The following KIF4A variants were observed in gnomAD, a reference collection of about 807,000 sequenced individuals.
KIF4A encodes the protein chromosome-associated kinesin KIF4A.
A neutral mutation model predicts 105.9 loss-of-function variants in KIF4A; 7 were observed. That is an observed-to-expected ratio of 0.07 (90% CI 0.04 to 0.12). The LOEUF is 0.12. KIF4A is among the 10% of genes least tolerant of loss of function. The pLI is 1.00. For missense variants in KIF4A, 558 were observed against 929.2 expected, an observed-to-expected ratio of 0.60 and a Z score of 5.19; for synonymous variants, 281 against 331.3, an observed-to-expected ratio of 0.85 and a Z score of 1.65.
intron 20 of KIF4A, among the ~76,000 whole-genome samples, chrX:70,388,052 C>T (rs1477428776): frequency 9.0e-6 from 1 of 110,997 alleles, no homozygotes; most frequent in Non-Finnish European, 1.9e-5. Context: ...GTCTACTCCC[C>T]ATTTCATATA....
chrX:70,320,278 A>T (rs2085885706), intron 7 of KIF4A, among the ~76,000 whole-genome samples: 1 of 111,835 alleles, frequency 8.9e-6, no homozygotes. Context: ...TCTGAACTGT[A>T]GCCTTCTAAC....
chrX:70,340,620 A>T (rs2085969053), intron 10 of KIF4A, among the ~76,000 whole-genome samples: 1 of 111,903 alleles, frequency 8.9e-6, no homozygotes, highest in African/African-American at 3.2e-5. Flanking sequence ...CCTTCATAAG[A>T]GTCTTAGTAA....
chrX:70,414,240 A>G (rs1453256176), intron 28 of KIF4A, among the ~76,000 whole-genome samples: 2 of 112,010 alleles, frequency 1.8e-5, no homozygotes, highest in East Asian at 5.6e-4. Context: ...AATTTTGTAA[A>G]GTGATATATA....
At chrX:70,305,575 G>A (rs186399896) in intron 7 of KIF4A, among the ~76,000 whole-genome samples, 10 of 112,345 alleles carry the variant, frequency 8.9e-5, no homozygotes, top group Non-Finnish European at 1.5e-4. Context: ...GAAATACCAT[G>A]TTTTTATTTA....
At position 70,318,922 on chromosome X, in the gene KIF4A, C is replaced by T. The variant is rs139063150; in HGVS notation, c.779-10483C>T. 3.1e-3 allele frequency among the ~76,000 whole-genome samples: 350 copies of T among 112,045 alleles called. 2 individuals carry two copies. The highest frequency in any genetic ancestry group is 0.011 in the African/African-American group (341 of 30,827). Reference sequence around the variant, plus strand: ...CCTGTGTGTTTTGCACATATCTTCTCCCTCCTCTCTGGCTTGTGTTTTTAC... The same window carrying T: ...CCTGTGTGTTTTGCACATATCTTCTTCCTCCTCTCTGGCTTGTGTTTTTAC... On this transcript the variant is annotated intron_variant, in intron 7 of 30. Coordinates refer to ENST00000374403, the MANE Select transcript of KIF4A (RefSeq NM_012310.5).
At chrX:70,294,591 A>T (rs143034013) in intron 3 of KIF4A, among the ~76,000 whole-genome samples, 87 of 112,826 alleles carry the variant, frequency 7.7e-4, no homozygotes, top group Non-Finnish European at 9.7e-4. Flanking sequence ...GTCAATAAGC[A>T]ACAGGAATTT....
chrX:70,411,911 A>AT (rs1210037036), intron 28 of KIF4A, among the ~76,000 whole-genome samples: 1 of 110,303 alleles, frequency 9.1e-6, no homozygotes. Context: ...GAAAAAAAAA[A>AT]AGAGTCCCCC....
intron 28 of KIF4A, among the ~76,000 whole-genome samples, chrX:70,416,862 A>G (rs140447124): frequency 1.7e-3 from 197 of 112,935 alleles, no homozygotes; most frequent in Middle Eastern, 0.014. Context: ...TGAGATTCAA[A>G]TGAGATTTTG....
At position 70,404,750 on chromosome X, in the gene KIF4A, A is replaced by G; in HGVS notation, c.2826A>G (p.Gln942=). The G allele has an allele frequency of 8.3e-7, 1 of 1,208,583 alleles. No individual in the cohort carries two copies. Among genetic ancestry groups the G allele is most frequent in the Non-Finnish European group, 1.1e-6 (1 of 893,893 alleles). ...LYLLSQLQQS[Q]MAEKQLEESV... ...TTCTCAGCCAGCTGCAGCAAAGCCA[A>G]ATGGCAGAGAAGCAGTTAGAGGAAT... The change falls in exon 25 of 31, where the codon CAA becomes CAG. Residue 942 remains glutamine, a synonymous_variant. Coordinates refer to ENST00000374403, the MANE Select transcript of KIF4A (RefSeq NM_012310.5).
chrX:70,408,709 G>A, intron 28 of KIF4A, among the ~76,000 whole-genome samples: 1 of 112,425 alleles, frequency 8.9e-6, no homozygotes, highest in Admixed American at 9.4e-5. Context: ...CATCAAGAAT[G>A]CAACATATCA....
chrX:70,300,569 C>T, intron 5 of KIF4A, among the ~76,000 whole-genome samples: 1 of 111,650 alleles, frequency 9.0e-6, no homozygotes, highest in South Asian at 3.8e-4. Context: ...AATAAGACTA[C>T]ACAAGTCTGT....
At chrX:70,419,989 CTA>C in intron 30 of KIF4A, 71 bp from the exon 31 acceptor site, 19 of 1,055,015 alleles carry the variant, frequency 1.8e-5, no homozygotes, top group Non-Finnish European at 2.3e-5. Flanking sequence ...TGTCGAGCAT[CTA>C]TAGCAGCTCG....
intron 7 of KIF4A, among the ~76,000 whole-genome samples, chrX:70,328,779 A>G (rs1212911551): frequency 2.7e-5 from 3 of 112,279 alleles, no homozygotes; most frequent in Non-Finnish European, 5.6e-5. Context: ...TTGCTTCAGC[A>G]GAACTTCAGA....
At chrX:70,331,248 G>A (rs1463444014) in intron 9 of KIF4A, among the ~76,000 whole-genome samples, 3 of 111,658 alleles carry the variant, frequency 2.7e-5, no homozygotes, top group Non-Finnish European at 5.6e-5. Flanking sequence ...AGTGTTGGAA[G>A]GGTCTGAGAT....
chrX:70,392,686 T>C (rs1308230455), intron 20 of KIF4A, among the ~76,000 whole-genome samples: 1 of 109,027 alleles, frequency 9.2e-6, no homozygotes, highest in Non-Finnish European at 1.9e-5. Flanking sequence ...TTGTATGTTT[T>C]CTCCTTTTTC....
chrX:70,394,557 A>G (rs756386642), intron 20 of KIF4A, among the ~76,000 whole-genome samples: 101 of 111,865 alleles, frequency 9.0e-4, no homozygotes, highest in Middle Eastern at 4.6e-3. Flanking sequence ...GACCATTTAC[A>G]TTTAATGTGA....
At chrX:70,322,465 C>T (rs764143523) in intron 7 of KIF4A, among the ~76,000 whole-genome samples, 5 of 109,059 alleles carry the variant, frequency 4.6e-5, no homozygotes, top group African/African-American at 1.3e-4. Context: ...GCGCCCACCA[C>T]CACGCCCGGC....
Position 70,420,476 on chromosome X carries a change from T to C in KIF4A, c.*211T>C, listed in dbSNP as rs898563564. ...TACTCTATGTTCTCCAGAAGGGTGC[T>C]AAGTCACCTACTGAAGAGAGAACCA... On this transcript the variant is annotated 3_prime_UTR_variant, in exon 31 of 31. Transcript: ENST00000374403. 2.2e-6 allele frequency: 1 copy of C among 464,701 alleles called. No homozygotes were observed. The highest frequency in any genetic ancestry group is 3.5e-6 in the Non-Finnish European group (1 of 284,405). The allele number at this position is 464,701 out of a possible 1,213,427, so 38.3% of individuals were successfully genotyped here.
chrX:70,380,562 G>A (rs1455277686), intron 18 of KIF4A, among the ~76,000 whole-genome samples: 1 of 111,755 alleles, frequency 8.9e-6, no homozygotes, highest in African/African-American at 3.2e-5. Flanking sequence ...AAAACCCACA[G>A]CTAACATCAT....
Sources: gnomAD v4.1 joint callset for allele counts (sites outside exome capture counted in the v4.1 genomes callset) on GRCh38, gnomAD v4.1.1 for gene constraint, MANE v1.5 for transcripts, NCBI Gene and HGNC (gene_info 2026-07-23, HGNC 2026-07-21) for gene names.